The following PIKFYVE variants were observed in gnomAD, a reference collection of about 807,000 sequenced individuals.
The protein encoded by PIKFYVE is 1-phosphatidylinositol 3-phosphate 5-kinase.
In PIKFYVE, 122 loss-of-function variants were observed where a neutral mutation model predicts 257.9. The ratio of observed to expected loss-of-function variants is 0.47; its 90% CI spans 0.41 to 0.55. The LOEUF (loss-of-function observed/expected upper bound fraction) is 0.55. Among genes scored for constraint, PIKFYVE ranks in the 20% least tolerant of loss-of-function variants. The pLI is 0.00. For synonymous variants in PIKFYVE, 892 were observed against 868.9 expected (o/e 1.03, Z -0.47); for missense variants, 2,160 against 2,536.6 (o/e 0.85, Z 3.19).
intron 1 of PIKFYVE, chr2:208,269,938 A>T: frequency 4.0e-6 from 1 of 250,054 alleles, no homozygotes; most frequent in Non-Finnish European, 8.4e-6. Context: ...GGTTCCTCCC[A>T]GAATATCCTT....
At chr2:208,272,794 T>TA (rs533758485) in intron 2 of PIKFYVE, among the ~76,000 whole-genome samples, 4,595 of 146,866 alleles carry the variant, frequency 0.031, 202 homozygotes, top group African/African-American at 0.1. Context: ...CAATGATACT[T>TA]AAAAAAAAAA....
intron 16 of PIKFYVE, among the ~76,000 whole-genome samples, chr2:208,319,822 C>G (rs370973674): frequency 6.6e-6 from 1 of 152,120 alleles, no homozygotes; most frequent in East Asian, 1.9e-4. Context: ...GTTCAGGAGG[C>G]ATTTTAATTC....
At position 208,354,644 on chromosome 2, in the gene PIKFYVE, A is replaced by G; in HGVS notation, c.6180A>G (p.Gln2060=). 6.2e-7 allele frequency: 1 copy of G among 1,610,678 alleles called. No individual in the cohort carries two copies. The highest frequency in any genetic ancestry group is 8.5e-7 in the Non-Finnish European group (1 of 1,176,986). The change falls in exon 41 of 42, where the codon CAA becomes CAG. Residue 2060 remains glutamine (Q), a splice_region_variant and synonymous_variant. Transcript: ENST00000264380. Reference sequence around the variant, plus strand: ...AATCAACAGGAATTTTAGGTGGACAAGGTGAGAATTTTTGTTTTGTTTAAA... The same window carrying G: ...AATCAACAGGAATTTTAGGTGGACAGGGTGAGAATTTTTGTTTTGTTTAAA... ...VVKSTGILGG[Q]GKMPTVVSPE... is the part of the protein sequence containing the mutation.
At chr2:208,288,619 C>T in intron 6 of PIKFYVE, 110 bp from the exon 7 acceptor site, 3 of 1,484,884 alleles carry the variant, frequency 2.0e-6, no homozygotes, top group Non-Finnish European at 2.7e-6. Flanking sequence ...GACACATAAT[C>T]TCATTATTGC....
chr2:208,331,420 C>T lies in PIKFYVE; in HGVS notation c.3963+726C>T, dbSNP rs143650449. ...TGAGACAGAGTCTTGCTCTATCGCC[C>T]GGTCTGGAGTGCAGTCGTGTGATCT... is the stretch of plus-strand genomic sequence containing the variant. On this transcript the variant is annotated intron_variant, in intron 23 of 41. Transcript: ENST00000264380. 9.8e-3 allele frequency among the ~76,000 whole-genome samples: 1,488 copies of T among 152,194 alleles called. 10 individuals are homozygous for T. Among genetic ancestry groups the T allele is most frequent in the Admixed American group, 0.022 (334 of 15,298 alleles).
At chr2:208,326,580 G>C in intron 20 of PIKFYVE, 151 bp downstream of exon 20, 1 of 850,652 alleles carries the variant, frequency 1.2e-6, no homozygotes. Flanking sequence ...TCTTGAGTCT[G>C]CTGGCTTATG....
chr2:208,293,434 C>G (rs1479794498), intron 7 of PIKFYVE, among the ~76,000 whole-genome samples: 3 of 152,122 alleles, frequency 2.0e-5, no homozygotes, highest in Non-Finnish European at 2.9e-5. Context: ...TATTCCTTCT[C>G]TCTGCCTTTT....
rs569387149 is a variant in PIKFYVE at position 208,341,038 on chromosome 2, C to T, written c.4931+907C>T. On this transcript the variant is annotated intron_variant, in intron 31 of 41. Coordinates refer to ENST00000264380, the MANE Select transcript of PIKFYVE (RefSeq NM_015040.4). ...TTTTATTATTTTTGAGACAGAGTCT[C>T]CCTCTGTCACCCAGGCTGGAATGTA... Among the ~76,000 whole-genome samples, 5 of 152,002 alleles carry T rather than the reference C, an allele frequency of 3.3e-5. No homozygotes were observed. The South Asian group carries it at 1.0e-3, about 32-fold the overall frequency.
rs566700569 is a variant in PIKFYVE at position 208,303,705 on chromosome 2, A to G, written c.1321-466A>G. Among the ~76,000 whole-genome samples, 104 of 152,336 alleles carry G rather than the reference A, an allele frequency of 6.8e-4. 1 individual carries two copies. Among genetic ancestry groups the G allele is most frequent in the Middle Eastern group, 3.4e-3 (1 of 294 alleles). On this transcript the variant is annotated intron_variant, in intron 10 of 41. Coordinates refer to ENST00000264380, the MANE Select transcript of PIKFYVE (RefSeq NM_015040.4). ...ACCAATGCAGTTTAAACCCTTGTTC[A>G]AAGGTCAGCTGTGTAATGTTTAGTA... is the stretch of plus-strand genomic sequence containing the variant.
chr2:208,298,844 T>C, intron 8 of PIKFYVE, 65 bp downstream of exon 8: 1 of 1,583,732 alleles, frequency 6.3e-7, no homozygotes, highest in Non-Finnish European at 8.7e-7. Flanking sequence ...TGTGACTGAG[T>C]CTTTTTTTTT....
Position 208,355,179 on chromosome 2 carries a change from C to T in PIKFYVE, c.6182-11C>T, listed in dbSNP as rs1700091313. On this transcript the variant is annotated splice_polypyrimidine_tract_variant and intron_variant, in intron 41 of 41. Coordinates refer to ENST00000264380, the MANE Select transcript of PIKFYVE (RefSeq NM_015040.4). ...ACAGCTTTTTCCCCCTTTTCTCTTT[C>T]ATAATCTCAGGTAAAATGCCAACAG... 3 of 1,603,000 alleles carry T rather than the reference C, an allele frequency of 1.9e-6. No homozygotes were observed. The highest frequency in any genetic ancestry group is 2.7e-5 in the African/African-American group (2 of 74,786).
At chr2:208,301,960 G>A (rs1254430411) in intron 9 of PIKFYVE, among the ~76,000 whole-genome samples, 2 of 152,118 alleles carry the variant, frequency 1.3e-5, no homozygotes, top group Non-Finnish European at 2.9e-5. Context: ...GTTAAGTATA[G>A]GGTTGTGCGT....
intron 20 of PIKFYVE, among the ~76,000 whole-genome samples, chr2:208,326,914 T>C (rs1341405949): frequency 6.6e-6 from 1 of 152,194 alleles, no homozygotes; most frequent in Non-Finnish European, 1.5e-5. Flanking sequence ...ATCTTTTTCT[T>C]TTTAGGCATA....
chr2:208,317,897 G>A lies in PIKFYVE; in HGVS notation c.2038G>A (p.Val680Ile), dbSNP rs201108032. Residue 680 changes from valine to isoleucine, a missense_variant, in exon 16 of 42, where the codon GTT (valine) becomes ATT (isoleucine). Around this residue, in one of 12 missense-constraint regions of PIKFYVE, gnomAD observed 346 missense variants for 365.6 expected, o/e 0.95. Coordinates refer to ENST00000264380, the MANE Select transcript of PIKFYVE (RefSeq NM_015040.4). ...AGGTGGAAAGAAGTTTGATTCTGTG[G>A]TTGTCAATGGCTTTGTTTGTACCAA... ...IPGGKKFDSVVVNGFVCTKNI... is the reference protein window; with the variant it reads ...IPGGKKFDSVIVNGFVCTKNI... 1 of 1,613,888 alleles carries A rather than the reference G, an allele frequency of 6.2e-7. No individual in the cohort carries two copies. Among genetic ancestry groups the A allele is most frequent in the Non-Finnish European group, 8.5e-7 (1 of 1,179,824 alleles).
At chr2:208,270,910 C>G (rs1057504779) in intron 1 of PIKFYVE, among the ~76,000 whole-genome samples, 4 of 151,822 alleles carry the variant, frequency 2.6e-5, no homozygotes, top group Admixed American at 6.6e-5. Context: ...TGACTGCGCA[C>G]CTATAGTCCC....
At chr2:208,346,282 A>G in intron 34 of PIKFYVE, 135 bp downstream of exon 34, 1 of 772,730 alleles carries the variant, frequency 1.3e-6, no homozygotes, top group Non-Finnish European at 2.2e-6. Context: ...ACAAATTTAG[A>G]TATTTTTGTA....
chr2:208,298,872 T>A (rs1693324959), intron 8 of PIKFYVE, 93 bp downstream of exon 8: 17 of 1,507,014 alleles, frequency 1.1e-5, no homozygotes, highest in Non-Finnish European at 1.5e-5. Flanking sequence ...AGACACGGTC[T>A]TGGTGTGCTG....
intron 23 of PIKFYVE, 55 bp downstream of exon 23, chr2:208,330,749 T>G (rs1403015930): frequency 3.7e-6 from 3 of 810,408 alleles, no homozygotes; most frequent in East Asian, 5.1e-5. Flanking sequence ...TATTTGTATG[T>G]TTTTTTTTTT....
At chr2:208,320,208 A>G in intron 16 of PIKFYVE, 44 bp from the exon 17 acceptor site, 2 of 1,596,104 alleles carry the variant, frequency 1.3e-6, no homozygotes, top group Non-Finnish European at 1.7e-6. Flanking sequence ...GGGCTGTAAA[A>G]TGCAAACCTT....
Sources: allele counts gnomAD v4.1 joint callset (sites outside exome capture counted in the v4.1 genomes callset), GRCh38; gene constraint gnomAD v4.1.1; regional missense constraint gnomAD v4.1.1; transcripts MANE v1.5; gene names NCBI Gene and HGNC (gene_info 2026-07-23, HGNC 2026-07-21).